DCLRE1C: variants seen among roughly 807,000 people sequenced by gnomAD.
DCLRE1C encodes the protein DNA cross-link repair 1C, also known as protein artemis.
Under a neutral mutation model 61.4 loss-of-function variants are expected in DCLRE1C, and 47 were observed. The ratio of observed to expected loss-of-function variants is 0.77; its 90% CI spans 0.61 to 0.98. DCLRE1C has a LOEUF of 0.98. Ranked by LOEUF, DCLRE1C falls within the 50% of genes least tolerant of loss-of-function variation. The pLI is 0.00. For missense variants in DCLRE1C, 858 were observed against 816.0 expected (o/e 1.05, Z -0.63); for synonymous variants, 337 against 287.6 (o/e 1.17, Z -1.74).
chr10:14,906,520 T>C lies in DCLRE1C; in HGVS notation c.*1888A>G, dbSNP rs979363594. 2.0e-5 allele frequency among the ~76,000 whole-genome samples: 3 copies of C among 152,258 alleles called. No homozygotes were observed. The highest frequency in any genetic ancestry group is 7.2e-5 in the African/African-American group (3 of 41,470). On this transcript the variant is annotated 3_prime_UTR_variant, in exon 14 of 14. Coordinates refer to ENST00000378278, the MANE Select transcript of DCLRE1C (RefSeq NM_001033855.3). ...TGAACAACCACTTTCGATCATAAGG[T>C]ACACTGTTAAAACTAAGTTTTAGTT...
chr10:14,923,110 T>C (rs2130787349), intron 11 of DCLRE1C, 41 bp from the exon 12 acceptor site: 3 of 1,462,132 alleles, frequency 2.1e-6, no homozygotes, highest in East Asian at 2.3e-5. Context: ...ATCTCTACGA[T>C]GAAACAGGTT....
intron 13 of DCLRE1C, among the ~76,000 whole-genome samples, chr10:14,912,771 G>A (rs560716271): frequency 3.3e-5 from 5 of 152,198 alleles, no homozygotes; most frequent in Non-Finnish European, 5.9e-5. Context: ...TGCAAGCTCT[G>A]CCTCCTGGGT....
intron 1 of DCLRE1C, among the ~76,000 whole-genome samples, chr10:14,949,313 G>T (rs1435118233): frequency 6.6e-6 from 1 of 152,192 alleles, no homozygotes; most frequent in Non-Finnish European, 1.5e-5. Context: ...TTTAAAAGGA[G>T]AGTGATTCTG....
Position 14,908,389 on chromosome 10 carries a change from G to T in DCLRE1C, c.*19C>A, listed in dbSNP as rs546537617. 28 of 1,594,080 alleles carry T rather than the reference G, an allele frequency of 1.8e-5. No individual in the cohort carries two copies. The South Asian group carries it at 3.1e-4, about 18-fold the overall frequency. Reference sequence around the variant, plus strand: ...GCAGGTTTTTTAGTGGTTGCTCTAGGTTGAAACGCTTTGAATTCTTAGGTA... The same window carrying T: ...GCAGGTTTTTTAGTGGTTGCTCTAGTTTGAAACGCTTTGAATTCTTAGGTA... On this transcript the variant is annotated 3_prime_UTR_variant, in exon 14 of 14. Transcript: ENST00000378278.
At chr10:14,949,146 A>T in intron 1 of DCLRE1C, 59 bp from the exon 2 acceptor site, 1 of 1,201,086 alleles carries the variant, frequency 8.3e-7, no homozygotes, top group Non-Finnish European at 1.2e-6. Context: ...CCTTAGCCCA[A>T]GGGAAACAGT....
At chr10:14,925,021 C>G (rs992056370) in intron 11 of DCLRE1C, among the ~76,000 whole-genome samples, 2 of 151,752 alleles carry the variant, frequency 1.3e-5, no homozygotes, top group African/African-American at 4.8e-5. Context: ...TTGCCAATAA[C>G]TCTACATAAA....
In DCLRE1C at chr10:14,937,039, C is replaced by T. The variant is rs565039581; in HGVS notation, c.307-446G>A. 5.3e-5 allele frequency among the ~76,000 whole-genome samples: 8 copies of T among 152,150 alleles called. No homozygotes were observed. In the South Asian group the frequency reaches 1.2e-3, roughly 24 times the overall value. On this transcript the variant is annotated intron_variant, in intron 4 of 13. Coordinates refer to ENST00000378278, the MANE Select transcript of DCLRE1C (RefSeq NM_001033855.3). ...TGAAAACATCCTCAGTGAAAGAAGC[C>T]GGATAAGAAATGAACACATGTTGTA...
chr10:14,953,214 C>A (rs1317288135), intron 1 of DCLRE1C, among the ~76,000 whole-genome samples: 1 of 152,170 alleles, frequency 6.6e-6, no homozygotes, highest in African/African-American at 2.4e-5. Context: ...TGAAAATGAA[C>A]AATGGTTGTC....
chr10:14,935,677 A>ATTGT, intron 5 of DCLRE1C, 113 bp from the exon 6 acceptor site: 27 of 1,022,346 alleles, frequency 2.6e-5, no homozygotes, highest in Non-Finnish European at 4.1e-5. Flanking sequence ...ATTACAATAC[A>ATTGT]ATGGTAATGG....
chr10:14,906,335 C>T lies in DCLRE1C; in HGVS notation c.*2073G>A, dbSNP rs1050217430. Among the ~76,000 whole-genome samples, 2 of 152,188 alleles carry T rather than the reference C, an allele frequency of 1.3e-5. No homozygotes were observed. The highest frequency in any genetic ancestry group is 4.8e-5 in the African/African-American group (2 of 41,450). ...AAATATAATTTCTGGTAATCACTAT[C>T]GGTTTCTTGATCACATCTGTTGTAG... On this transcript the variant is annotated 3_prime_UTR_variant, in exon 14 of 14. Coordinates refer to ENST00000378278, the MANE Select transcript of DCLRE1C (RefSeq NM_001033855.3).
downstream of DCLRE1C, among the ~76,000 whole-genome samples, chr10:14,900,813 G>C (rs1833954201): frequency 6.6e-6 from 1 of 151,970 alleles, no homozygotes; most frequent in African/African-American, 2.4e-5. Context: ...AATGTTATCT[G>C]GGATTTGTAT....
intron 1 of DCLRE1C, 81 bp downstream of exon 1, chr10:14,953,821 C>G: frequency 6.3e-7 from 1 of 1,589,014 alleles, no homozygotes; most frequent in East Asian, 2.2e-5. Context: ...GCTGCAGCTC[C>G]TTGCTCCAGG....
At chr10:14,932,346 A>G (rs1477797058) in intron 9 of DCLRE1C, among the ~76,000 whole-genome samples, 1 of 152,236 alleles carries the variant, frequency 6.6e-6, no homozygotes, top group Non-Finnish European at 1.5e-5. Context: ...TCAGAAAACT[A>G]TAAAGATCTG....
rs367987668 is a variant in DCLRE1C at position 14,936,709 on chromosome 10, T to C, written c.307-116A>G. ...GTACCTTTTAACAATGTGCCTTTTCTCCCAATTTCCTCACACTCCAAATCC... is the reference window on the plus strand; with the variant it reads ...GTACCTTTTAACAATGTGCCTTTTCCCCCAATTTCCTCACACTCCAAATCC... On this transcript the variant is annotated intron_variant, in intron 4 of 13. Coordinates refer to ENST00000378278, the MANE Select transcript of DCLRE1C (RefSeq NM_001033855.3). 864 of 713,304 alleles carry C rather than the reference T, an allele frequency of 1.2e-3. 19 individuals carry two copies. In the South Asian group the frequency reaches 0.013, roughly 11 times the overall value. 44.2% of individuals were successfully genotyped at this position (713,304 alleles called of 1,614,324 possible). A position where few individuals can be genotyped will look rare whatever the true frequency, so the allele number is the denominator to read the frequency against.
In DCLRE1C at chr10:14,909,245, C is replaced by T; in HGVS notation, c.1242G>A (p.Glu414=). ...KVPYPETFHP[E]VFSMTAVSEK... ...CTGATACTGCAGTCATTGAAAATAC[C>T]TCAGGGTGAAAAGTTTCCGGGTATG... The change falls in exon 14 of 14, where the codon GAG becomes GAA. Residue 414 remains glutamate, a synonymous_variant. Coordinates refer to ENST00000378278, the MANE Select transcript of DCLRE1C (RefSeq NM_001033855.3). The T allele has an allele frequency of 6.2e-7, 1 of 1,613,726 alleles. No homozygotes were observed. Among genetic ancestry groups the T allele is most frequent in the Non-Finnish European group, 8.5e-7 (1 of 1,179,880 alleles).
intron 10 of DCLRE1C, among the ~76,000 whole-genome samples, chr10:14,927,314 G>GGCAGAGGCTGCAGTGAGCTGA (rs1838175934): frequency 6.6e-6 from 1 of 151,440 alleles, no homozygotes; most frequent in Non-Finnish European, 1.5e-5. Flanking sequence ...TGAACCGGGA[G>GGCAGAGGCTGCAGTGAGCTGA]GCAGAGGCTG....
At chr10:14,926,019 TTGC>T (rs1387110247) in intron 11 of DCLRE1C, among the ~76,000 whole-genome samples, 1 of 152,202 alleles carries the variant, frequency 6.6e-6, no homozygotes, top group African/African-American at 2.4e-5. Flanking sequence ...TCTGCACTTC[TTGC>T]TGCCGCCATG....
In DCLRE1C at chr10:14,918,298, C is replaced by T. The variant is rs528488891; in HGVS notation, c.1156+1440G>A. Reference sequence around the variant, plus strand: ...ATCCCTGAGGTGGCCTACTCCTTATCAATAAAAGAGGGTGAACTATTGATA... The same window carrying T: ...ATCCCTGAGGTGGCCTACTCCTTATTAATAAAAGAGGGTGAACTATTGATA... On this transcript the variant is annotated intron_variant, in intron 13 of 13. Coordinates refer to ENST00000378278, the MANE Select transcript of DCLRE1C (RefSeq NM_001033855.3). Among the ~76,000 whole-genome samples, 7 of 152,292 alleles carry T rather than the reference C, an allele frequency of 4.6e-5. No homozygotes were observed. The South Asian group carries it at 1.0e-3, about 23-fold the overall frequency.
chr10:14,937,428 G>T (rs148048665), intron 4 of DCLRE1C, among the ~76,000 whole-genome samples: 1 of 151,740 alleles, frequency 6.6e-6, no homozygotes, highest in African/African-American at 2.4e-5. Flanking sequence ...GATTATAGGC[G>T]CCTGCCATCA....
Sources: gnomAD v4.1 joint callset for allele counts (sites outside exome capture counted in the v4.1 genomes callset) on GRCh38, gnomAD v4.1.1 for gene constraint, MANE v1.5 for transcripts, NCBI Gene and HGNC (gene_info 2026-07-23, HGNC 2026-07-21) for gene names.